Variants in A1CF observed in about 807,000 individuals in gnomAD.
The protein encoded by A1CF is APOBEC-1 stimulating protein.
A1CF carries 48 observed loss-of-function variants against 68.9 expected under a neutral mutation model. That is an observed-to-expected ratio of 0.70 (90% CI 0.55 to 0.89). The LOEUF is 0.89. Ranked by LOEUF, A1CF falls within the 40% of genes least tolerant of loss-of-function variation. The pLI, the probability that A1CF is intolerant of heterozygous loss-of-function variation, is 0.00. For synonymous variants in A1CF, 272 were observed against 260.4 expected (o/e 1.04, Z -0.43); for missense variants, 653 against 718.9 (o/e 0.91, Z 1.05).
chr10:50,838,188 C>T (rs1589001993), intron 5 of A1CF, among the ~76,000 whole-genome samples: 1 of 152,078 alleles, frequency 6.6e-6, no homozygotes. Flanking sequence ...GAGCGAATGG[C>T]TCTTGGTTGT....
At chr10:50,863,204 C>G (rs868765542) in intron 2 of A1CF, among the ~76,000 whole-genome samples, 1 of 152,152 alleles carries the variant, frequency 6.6e-6, no homozygotes, top group Non-Finnish European at 1.5e-5. Context: ...AACACTTAAT[C>G]TTTAATTTTT....
chr10:50,849,754 C>T (rs1410626580), intron 3 of A1CF, among the ~76,000 whole-genome samples: 1 of 147,124 alleles, frequency 6.8e-6, no homozygotes, highest in African/African-American at 2.5e-5. Flanking sequence ...TTAACATAAA[C>T]GACTAAAAAT....
intron 3 of A1CF, among the ~76,000 whole-genome samples, chr10:50,853,587 G>A (rs751681864): frequency 2.6e-5 from 4 of 152,002 alleles, no homozygotes; most frequent in South Asian, 2.1e-4. Flanking sequence ...ATACATGAAC[G>A]AGTGAGGGCC....
intron 6 of A1CF, among the ~76,000 whole-genome samples, chr10:50,829,118 G>A (rs1186990458): frequency 6.6e-6 from 1 of 152,146 alleles, no homozygotes; most frequent in Admixed American, 6.6e-5. Flanking sequence ...CAGTAACCCT[G>A]TGGGGAGGTG....
At chr10:50,845,536 G>T (rs1391585456) in intron 3 of A1CF, among the ~76,000 whole-genome samples, 1 of 152,190 alleles carries the variant, frequency 6.6e-6, no homozygotes, top group Non-Finnish European at 1.5e-5. Flanking sequence ...AAGGTCACAT[G>T]GTTGGGAAGT....
At chr10:50,821,482 C>T (rs565487174) in intron 7 of A1CF, among the ~76,000 whole-genome samples, 5 of 151,760 alleles carry the variant, frequency 3.3e-5, no homozygotes, top group African/African-American at 1.2e-4. Flanking sequence ...TATACCAACA[C>T]GAAGGAGTCT....
At chr10:50,843,354 A>C (rs1211602835) in intron 4 of A1CF, among the ~76,000 whole-genome samples, 4 of 152,192 alleles carry the variant, frequency 2.6e-5, no homozygotes, top group Non-Finnish European at 5.9e-5. Context: ...ACACACACAC[A>C]CAAAATTGAT....
At position 50,804,754 on chromosome 10, in the gene A1CF, T is replaced by C. The variant is rs1837744791; in HGVS notation, c.*1975A>G. On this transcript the variant is annotated 3_prime_UTR_variant, in exon 13 of 13. Coordinates refer to ENST00000373997, the MANE Select transcript of A1CF (RefSeq NM_014576.4). Reference sequence around the variant, plus strand: ...GATTTTTTAATTGCATTTTTCTATTTACTAAAAGTGAAATAAAAAGGAAAA... The same window carrying C: ...GATTTTTTAATTGCATTTTTCTATTCACTAAAAGTGAAATAAAAAGGAAAA... The C allele has an allele frequency of 6.6e-6, 1 of 152,158 alleles. No homozygotes were observed. 9.4% of individuals were successfully genotyped at this position (152,158 alleles called of 1,614,324 possible).
At position 50,801,055 on chromosome 10, in the gene A1CF, G is replaced by A. The variant is rs1342208366; in HGVS notation, c.*5674C>T. The A allele has an allele frequency of 6.6e-6, 1 of 152,222 alleles. No individual in the cohort carries two copies. The highest frequency in any genetic ancestry group is 1.5e-5 in the Non-Finnish European group (1 of 68,104). 9.4% of individuals were successfully genotyped at this position (152,222 alleles called of 1,614,324 possible). A position where few individuals can be genotyped will look rare whatever the true frequency, so the allele number is the denominator to read the frequency against. ...ACAGACCAAGCAAGTGTCCCCAAGA[G>A]CTATCTTTTGTCTTGCCCCACCACC... On this transcript the variant is annotated 3_prime_UTR_variant, in exon 13 of 13. Coordinates refer to ENST00000373997, the MANE Select transcript of A1CF (RefSeq NM_014576.4).
chr10:50,853,930 G>T (rs899177068), intron 3 of A1CF, among the ~76,000 whole-genome samples: 1 of 151,890 alleles, frequency 6.6e-6, no homozygotes, highest in Non-Finnish European at 1.5e-5. Context: ...TAATTCTGGG[G>T]CTTATTTTCT....
intron 1 of A1CF, among the ~76,000 whole-genome samples, chr10:50,871,167 A>G (rs1841249753): frequency 6.6e-6 from 1 of 151,866 alleles, no homozygotes; most frequent in African/African-American, 2.4e-5. Flanking sequence ...TATTCTCATT[A>G]AAAACAAGTA....
intron 7 of A1CF, 69 bp downstream of exon 7, chr10:50,828,062 A>G (rs1443693948): frequency 4.1e-6 from 5 of 1,221,760 alleles, no homozygotes; most frequent in Middle Eastern, 2.3e-4. Context: ...TCCTCGACAC[A>G]TACACCCTCC....
In A1CF at chr10:50,799,909, G is replaced by A. The variant is rs1294364783; in HGVS notation, c.*6820C>T. 2 of 151,972 alleles carry A rather than the reference G, an allele frequency of 1.3e-5. No homozygotes were observed. Among genetic ancestry groups the A allele is most frequent in the Middle Eastern group, 3.2e-3 (1 of 316 alleles). The allele number at this position is 151,972 out of a possible 1,614,324, so 9.4% of individuals were successfully genotyped here. On this transcript the variant is annotated 3_prime_UTR_variant, in exon 13 of 13. Coordinates refer to ENST00000373997, the MANE Select transcript of A1CF (RefSeq NM_014576.4). ...AGGAATAAGAATAAAAATTCCAATGGTTACATTAAATATTTAAACCAGTGA... is the reference window on the plus strand; with the variant it reads ...AGGAATAAGAATAAAAATTCCAATGATTACATTAAATATTTAAACCAGTGA...
In A1CF at chr10:50,836,217, G is replaced by A. The variant is rs377106588; in HGVS notation, c.461C>T (p.Ser154Leu). Reference sequence around the variant, plus strand: ...ACCTTCAGTAACCTTTTTCATCTCCGATAAGATTTCTTCTCTCTTTTTGGT... The same window carrying A: ...ACCTTCAGTAACCTTTTTCATCTCCAATAAGATTTCTTCTCTCTTTTTGGT... ...PKTKKREEILSEMKKVTEGVV... is the reference protein window; with the variant it reads ...PKTKKREEILLEMKKVTEGVV... Residue 154 changes from serine (S) to leucine (L), a missense_variant, in exon 6 of 13, where the codon TCG (serine) becomes TTG (leucine). Physicochemically the swap from Ser to Leu is moderately radical, Grantham distance 145 (BLOSUM62 -2). Coordinates refer to ENST00000373997, the MANE Select transcript of A1CF (RefSeq NM_014576.4). 3.5e-5 allele frequency: 57 copies of A among 1,613,828 alleles called. No individual in the cohort carries two copies. The highest frequency in any genetic ancestry group is 4.7e-5 in the Non-Finnish European group (55 of 1,179,876).
intron 6 of A1CF, among the ~76,000 whole-genome samples, chr10:50,833,893 G>A (rs1268462353): frequency 6.6e-6 from 1 of 152,154 alleles, no homozygotes; most frequent in Non-Finnish European, 1.5e-5. Context: ...CTGGCTCAAA[G>A]GGCCATAGGT....
intron 6 of A1CF, among the ~76,000 whole-genome samples, chr10:50,828,839 C>A (rs1839098026): frequency 6.6e-6 from 1 of 152,138 alleles, no homozygotes; most frequent in African/African-American, 2.4e-5. Flanking sequence ...CTGTCCCTCA[C>A]ACTTGGTCAA....
At chr10:50,868,523 A>G (rs1265981080) in intron 1 of A1CF, among the ~76,000 whole-genome samples, 1 of 152,210 alleles carries the variant, frequency 6.6e-6, no homozygotes, top group Non-Finnish European at 1.5e-5. Context: ...CCAATGTGCA[A>G]CATCTTAGTT....
intron 10 of A1CF, among the ~76,000 whole-genome samples, 189 bp from the exon 11 acceptor site, chr10:50,811,365 A>C (rs1838103369): frequency 6.6e-6 from 1 of 152,230 alleles, no homozygotes; most frequent in African/African-American, 2.4e-5. Flanking sequence ...TGTTAGGTCT[A>C]TTAGTTCATA....
rs1005018420 is a variant in A1CF at position 50,806,587 on chromosome 10, G to C, written c.*142C>G. On this transcript the variant is annotated 3_prime_UTR_variant, in exon 13 of 13. Coordinates refer to ENST00000373997, the MANE Select transcript of A1CF (RefSeq NM_014576.4). ...TTCTTACTTCATGATTCTATAATTG[G>C]TATAAGCTATACAGTCTCTGGAAAG... 1.7e-5 allele frequency: 10 copies of C among 594,662 alleles called. No homozygotes were observed. The highest frequency in any genetic ancestry group is 2.6e-5 in the Non-Finnish European group (10 of 390,718). The allele number at this position is 594,662 out of a possible 1,614,324, so 36.8% of individuals were successfully genotyped here. A position where few individuals can be genotyped will look rare whatever the true frequency, so the allele number is the denominator to read the frequency against.
Sources: allele counts gnomAD v4.1 joint callset (sites outside exome capture counted in the v4.1 genomes callset), GRCh38; gene constraint gnomAD v4.1.1; transcripts MANE v1.5; gene names NCBI Gene and HGNC (gene_info 2026-07-23, HGNC 2026-07-21).